Variants in UBE3C observed in about 807,000 individuals in gnomAD.
UBE3C encodes the protein ubiquitin protein ligase E3C.
A neutral mutation model predicts 129.4 loss-of-function variants in UBE3C; 42 were observed. The observed-to-expected ratio is 0.32, with a 90% CI of 0.25 to 0.42. The LOEUF (loss-of-function observed/expected upper bound fraction) is 0.42, where lower values mean the gene tolerates loss of function less well. UBE3C is among the 10% of genes least tolerant of loss of function. The probability of loss-of-function intolerance (pLI) is 1.00; values close to 1 mark genes in which losing one functional copy is unlikely to be tolerated. For missense variants in UBE3C, 1,049 were observed against 1,319.1 expected (o/e 0.80, Z 3.17); for synonymous variants, 510 against 492.4 (o/e 1.04, Z -0.47).
intron 22 of UBE3C, 88 bp downstream of exon 22, chr7:157,257,132 T>C (rs1251870705): frequency 7.9e-6 from 12 of 1,522,758 alleles, no homozygotes; most frequent in African/African-American, 4.2e-5. Flanking sequence ...TGAAGTCCTT[T>C]TACATACACT....
At position 157,196,791 on chromosome 7, in the gene UBE3C, A is replaced by C. The variant is rs113713153; in HGVS notation, c.1332-4930A>C. On this transcript the variant is annotated intron_variant, in intron 10 of 22. Transcript: ENST00000348165. ...TGAGACCAGCCTGACCAACAAGGAG[A>C]AACCCCGTCTCTACTAAAAATACAA... Among the ~76,000 whole-genome samples the C allele has an allele frequency of 5.0e-3, 757 of 152,216 alleles. 4 individuals carry two copies. The highest frequency in any genetic ancestry group is 8.5e-3 in the African/African-American group (352 of 41,506).
In UBE3C at chr7:157,141,901, T is replaced by C. The variant is rs959933870; in HGVS notation, c.66+2563T>C. Among the ~76,000 whole-genome samples the C allele has an allele frequency of 2.6e-5, 4 of 152,350 alleles. No individual in the cohort carries two copies. The East Asian group carries it at 7.7e-4, about 29-fold the overall frequency. On this transcript the variant is annotated intron_variant, in intron 1 of 22. Coordinates refer to ENST00000348165, the MANE Select transcript of UBE3C (RefSeq NM_014671.3). Reference sequence around the variant, plus strand: ...CTGATTCTGTTTTCTTACAGACCTTTGCTGTGTGTGCCTTTTGGTGCACAT... The same window carrying C: ...CTGATTCTGTTTTCTTACAGACCTTCGCTGTGTGTGCCTTTTGGTGCACAT...
chr7:157,197,908 C>T, intron 10 of UBE3C: 1 of 1,603,898 alleles, frequency 6.2e-7, no homozygotes, highest in Non-Finnish European at 8.5e-7. Flanking sequence ...GGTGTACTGA[C>T]TATTTCAGGT....
chr7:157,201,654 T>C (rs1419278647), intron 10 of UBE3C, 67 bp from the exon 11 acceptor site: 1 of 687,230 alleles, frequency 1.5e-6, no homozygotes, highest in Non-Finnish European at 2.1e-6. Flanking sequence ...TTTTTTTTTT[T>C]TTTTAAGAAA....
chr7:157,257,551 A>G (rs1213649370), intron 22 of UBE3C, among the ~76,000 whole-genome samples: 1 of 152,088 alleles, frequency 6.6e-6, no homozygotes, highest in African/African-American at 2.4e-5. Flanking sequence ...CCTGGTCAAC[A>G]TGATGAAACC....
chr7:157,231,490 A>T, intron 18 of UBE3C, 163 bp downstream of exon 18: 1 of 1,010,852 alleles, frequency 9.9e-7, no homozygotes, highest in South Asian at 1.6e-5. Flanking sequence ...TATGGTTGTA[A>T]GTAGGTGCTA....
At chr7:157,247,908 G>A (rs1286106278) in intron 18 of UBE3C, among the ~76,000 whole-genome samples, 1 of 151,844 alleles carries the variant, frequency 6.6e-6, no homozygotes, top group African/African-American at 2.4e-5. Context: ...TTGGAAATAG[G>A]GTCCAATAGC....
At chr7:157,251,171 C>G (rs1285998129) in intron 19 of UBE3C, among the ~76,000 whole-genome samples, 2 of 152,230 alleles carry the variant, frequency 1.3e-5, no homozygotes, top group East Asian at 3.9e-4. Context: ...ATAGGTAGTC[C>G]TCCTTACAAG....
intron 18 of UBE3C, chr7:157,231,608 A>T: frequency 2.6e-6 from 1 of 387,202 alleles, no homozygotes; most frequent in Non-Finnish European, 4.8e-6. Context: ...CTCGGCCGTC[A>T]TGAATGGATG....
At chr7:157,193,334 G>A (rs560397100) in intron 10 of UBE3C, among the ~76,000 whole-genome samples, 99 of 152,198 alleles carry the variant, frequency 6.5e-4, no homozygotes, top group African/African-American at 2.3e-3. Flanking sequence ...ATAAGAGTTC[G>A]ACAGATCATT....
chr7:157,228,477 T>C (rs896680588), intron 17 of UBE3C, among the ~76,000 whole-genome samples: 1 of 152,250 alleles, frequency 6.6e-6, no homozygotes, highest in Non-Finnish European at 1.5e-5. Context: ...CACTCTGCTG[T>C]CATCAGTTCT....
At chr7:157,183,425 T>C (rs987715361) in intron 8 of UBE3C, among the ~76,000 whole-genome samples, 1 of 151,148 alleles carries the variant, frequency 6.6e-6, no homozygotes, top group Non-Finnish European at 1.5e-5. Context: ...CACTCCACAC[T>C]CTCGGCACCT....
chr7:157,139,474 A>C lies in UBE3C; in HGVS notation c.66+136A>C. 1.4e-5 allele frequency: 10 copies of C among 723,488 alleles called. No individual in the cohort carries two copies. In the South Asian group the frequency reaches 2.3e-4, roughly 17 times the overall value. The allele number at this position is 723,488 out of a possible 1,614,324, so 44.8% of individuals were successfully genotyped here. On this transcript the variant is annotated intron_variant, in intron 1 of 22. Coordinates refer to ENST00000348165, the MANE Select transcript of UBE3C (RefSeq NM_014671.3). ...TGGATTCGGGGCCTCCCTGGCGGGGACTCGGGGCTTCCTCGCCGGATCTCG... is the reference window on the plus strand; with the variant it reads ...TGGATTCGGGGCCTCCCTGGCGGGGCCTCGGGGCTTCCTCGCCGGATCTCG...
chr7:157,219,849 A>G (rs1190966789), intron 14 of UBE3C, among the ~76,000 whole-genome samples: 1 of 152,014 alleles, frequency 6.6e-6, no homozygotes, highest in African/African-American at 2.4e-5. Flanking sequence ...CAGTGAGCCA[A>G]GATCAGGCCA....
intron 1 of UBE3C, among the ~76,000 whole-genome samples, chr7:157,146,273 G>T (rs935237528): frequency 6.6e-6 from 1 of 151,262 alleles, no homozygotes; most frequent in South Asian, 2.1e-4. Flanking sequence ...ACGAAGTCTC[G>T]CTCTGTCTCC....
rs1205970622 is a variant in UBE3C at position 157,268,315 on chromosome 7, C to G, written c.*560C>G. The G allele has an allele frequency of 6.6e-6, 1 of 152,518 alleles. No individual in the cohort carries two copies. Among genetic ancestry groups the G allele is most frequent in the Non-Finnish European group, 1.5e-5 (1 of 68,046 alleles). The allele number at this position is 152,518 out of a possible 1,614,324, so 9.4% of individuals were successfully genotyped here. ...TGATGATGGTAATATTTTATTTGTG[C>G]TTTTTAAGCCATTTCCCCAAATGGG... On this transcript the variant is annotated 3_prime_UTR_variant, in exon 23 of 23. Transcript: ENST00000348165.
intron 18 of UBE3C, among the ~76,000 whole-genome samples, chr7:157,246,393 C>G (rs1796477883): frequency 6.6e-6 from 1 of 152,150 alleles, no homozygotes; most frequent in African/African-American, 2.4e-5. Flanking sequence ...GCTACTTACT[C>G]CCATGTTATT....
intron 10 of UBE3C, among the ~76,000 whole-genome samples, chr7:157,196,678 T>C (rs1431127373): frequency 6.6e-6 from 1 of 152,162 alleles, no homozygotes; most frequent in Non-Finnish European, 1.5e-5. Flanking sequence ...TAAGAATTGC[T>C]GACCTTTAGG....
chr7:157,241,251 C>A (rs770506610), intron 18 of UBE3C, among the ~76,000 whole-genome samples: 2 of 152,040 alleles, frequency 1.3e-5, no homozygotes, highest in Non-Finnish European at 2.9e-5. Context: ...AGCTGTGAGA[C>A]CAGGAGCACA....
Sources: gnomAD v4.1 joint callset for allele counts (sites outside exome capture counted in the v4.1 genomes callset) on GRCh38, gnomAD v4.1.1 for gene constraint, MANE v1.5 for transcripts, NCBI Gene and HGNC (gene_info 2026-07-23, HGNC 2026-07-21) for gene names.